EBF2: variants seen among roughly 807,000 people sequenced by gnomAD.
The protein encoded by EBF2 is transcription factor COE2.
Under a neutral mutation model 72.8 loss-of-function variants are expected in EBF2, and 21 were observed. The observed-to-expected ratio is 0.29, with a 90% confidence interval of 0.20 to 0.42. EBF2 has a LOEUF of 0.42. EBF2 is among the 10% of genes least tolerant of loss of function. EBF2 has a pLI of 1.00. For synonymous variants in EBF2, 299 were observed against 274.2 expected (o/e 1.09, Z -0.89); for missense variants, 637 against 731.2 (o/e 0.87, Z 1.49).
chr8:25,957,561 G>A (rs892648001), intron 6 of EBF2, among the ~76,000 whole-genome samples: 1 of 152,096 alleles, frequency 6.6e-6, no homozygotes, highest in African/African-American at 2.4e-5. Flanking sequence ...TCCAAGGCTG[G>A]ACAAGAAATA....
At chr8:25,935,560 C>G (rs943119744) in intron 6 of EBF2, among the ~76,000 whole-genome samples, 2 of 152,116 alleles carry the variant, frequency 1.3e-5, no homozygotes, top group Non-Finnish European at 2.9e-5. Flanking sequence ...GGGATTCCAC[C>G]CTACCCTTTG....
chr8:26,002,856 G>GGGCAGGCA (rs1377390483), intron 6 of EBF2, among the ~76,000 whole-genome samples: 1 of 96,102 alleles, frequency 1.0e-5, no homozygotes, highest in Non-Finnish European at 2.7e-5. Context: ...GCAGGCAGGC[G>GGGCAGGCA]GGCAGGCGGG....
At chr8:25,891,704 A>G (rs1802784400) in intron 7 of EBF2, among the ~76,000 whole-genome samples, 1 of 151,976 alleles carries the variant, frequency 6.6e-6, no homozygotes, top group Non-Finnish European at 1.5e-5. Context: ...CAGCTTCCCA[A>G]GTAGCTGGGA....
chr8:26,022,055 A>G (rs772963105), intron 6 of EBF2, among the ~76,000 whole-genome samples: 2 of 152,216 alleles, frequency 1.3e-5, no homozygotes, highest in Non-Finnish European at 2.9e-5. Flanking sequence ...CTTGAAAGGT[A>G]ATGAATCCTC....
At chr8:26,002,864 G>A (rs182008646) in intron 6 of EBF2, among the ~76,000 whole-genome samples, 41 of 85,270 alleles carry the variant, frequency 4.8e-4, no homozygotes, top group South Asian at 2.4e-3. Flanking sequence ...GCGGGCAGGC[G>A]GGCAGGCGGG....
At chr8:26,003,821 C>T (rs921305587) in intron 6 of EBF2, among the ~76,000 whole-genome samples, 15 of 152,170 alleles carry the variant, frequency 9.9e-5, no homozygotes, top group Non-Finnish European at 1.9e-4. Context: ...TGAGCCGGAC[C>T]ATTATATCCT....
chr8:25,908,381 G>C, intron 7 of EBF2, 93 bp downstream of exon 7: 1 of 972,904 alleles, frequency 1.0e-6, no homozygotes, highest in Non-Finnish European at 1.6e-6. Flanking sequence ...GCAGTGAATA[G>C]TAATTTTTAA....
At chr8:25,919,275 GA>G (rs1803271628) in intron 6 of EBF2, among the ~76,000 whole-genome samples, 1 of 152,164 alleles carries the variant, frequency 6.6e-6, no homozygotes, top group Admixed American at 6.5e-5. Context: ...AGCAGGGTGG[GA>G]ATCTGGAAGG....
intron 6 of EBF2, among the ~76,000 whole-genome samples, chr8:26,019,780 G>C (rs1361996801): frequency 6.6e-6 from 1 of 152,156 alleles, no homozygotes; most frequent in Non-Finnish European, 1.5e-5. Flanking sequence ...CTAAGCCAAA[G>C]CCATCTCCCA....
Position 26,042,168 on chromosome 8 carries a change from G to A in EBF2, c.215C>T (p.Ala72Val), listed in dbSNP as rs774679542. ...RKSNFFHFVL[A>V]LYDRQGQPVE... ...CGGCTGGCCCTGCCTGTCATAGAGC[G>A]CCAGGACGAAGTGAAAGAAGTTGGA... The change falls in exon 2 of 16, where the codon GCG becomes GTG. Residue 72 changes from alanine (A) to valine (V), a missense_variant. Physicochemically the swap from Ala to Val is moderately conservative, Grantham distance 64. Transcript: ENST00000520164. The A allele has an allele frequency of 6.2e-7, 1 of 1,614,150 alleles. No homozygotes were observed. The highest frequency in any genetic ancestry group is 8.5e-7 in the Non-Finnish European group (1 of 1,180,032).
intron 6 of EBF2, among the ~76,000 whole-genome samples, chr8:25,982,519 G>A (rs1361376005): frequency 2.0e-5 from 3 of 152,188 alleles, no homozygotes; most frequent in Non-Finnish European, 4.4e-5. Context: ...CATTCCCAGG[G>A]GAAGAGTTTT....
chr8:25,966,007 G>T (rs946240997), intron 6 of EBF2, among the ~76,000 whole-genome samples: 3 of 152,180 alleles, frequency 2.0e-5, no homozygotes, highest in African/African-American at 7.2e-5. Flanking sequence ...TGATCATTTG[G>T]GGCATAGGTT....
At chr8:25,932,370 T>C (rs60278377) in intron 6 of EBF2, among the ~76,000 whole-genome samples, 133 of 104,968 alleles carry the variant, frequency 1.3e-3, no homozygotes, top group African/African-American at 3.7e-3. Context: ...TCATCAAAAG[T>C]CTCTTGATTA....
At chr8:25,910,375 A>G (rs1404801969) in intron 6 of EBF2, among the ~76,000 whole-genome samples, 1 of 152,050 alleles carries the variant, frequency 6.6e-6, no homozygotes, top group Non-Finnish European at 1.5e-5. Flanking sequence ...CCCAGCGGCA[A>G]TTTACGACTT....
At chr8:25,952,386 A>C (rs938634645) in intron 6 of EBF2, among the ~76,000 whole-genome samples, 1 of 151,980 alleles carries the variant, frequency 6.6e-6, no homozygotes, top group African/African-American at 2.4e-5. Flanking sequence ...TCTATTTATA[A>C]ATTATTTATT....
chr8:25,931,783 C>T (rs1349017311), intron 6 of EBF2, among the ~76,000 whole-genome samples: 1 of 152,158 alleles, frequency 6.6e-6, no homozygotes, highest in East Asian at 1.9e-4. Context: ...ATGCACGCCT[C>T]AAGGAAAGAC....
rs904022219 is a variant in EBF2 at position 25,842,987 on chromosome 8, C to A, written c.*1622G>T. 1.3e-5 allele frequency: 2 copies of A among 152,176 alleles called. No individual in the cohort carries two copies. The highest frequency in any genetic ancestry group is 4.8e-5 in the African/African-American group (2 of 41,442). 9.4% of individuals were successfully genotyped at this position (152,176 alleles called of 1,614,324 possible). A position where few individuals can be genotyped will look rare whatever the true frequency, so the allele number is the denominator to read the frequency against. ...AATAAGGAGAACCCCAACGTGGAAA[C>A]AAGTGACATCTTTATTGGCAATCCC... On this transcript the variant is annotated 3_prime_UTR_variant, in exon 16 of 16. Transcript: ENST00000520164.
chr8:25,935,451 G>T (rs897855168), intron 6 of EBF2, among the ~76,000 whole-genome samples: 3 of 152,204 alleles, frequency 2.0e-5, no homozygotes. Context: ...AGCGGCAGTG[G>T]CTGTTGTCAG....
At chr8:25,887,999 G>T in intron 8 of EBF2, 27 bp from the exon 9 acceptor site, 4 of 1,587,238 alleles carry the variant, frequency 2.5e-6, no homozygotes, top group East Asian at 2.2e-5. Flanking sequence ...GAAAAAGTCA[G>T]GTTTGTTCTT....
Sources: allele counts gnomAD v4.1 joint callset (sites outside exome capture counted in the v4.1 genomes callset), GRCh38; gene constraint gnomAD v4.1.1; transcripts MANE v1.5; gene names NCBI Gene and HGNC (gene_info 2026-07-23, HGNC 2026-07-21).